CHSY3: variants seen among roughly 807,000 people sequenced by gnomAD.
CHSY3 encodes the protein chondroitin sulfate synthase 3, also known as N-acetylgalactosaminyl-proteoglycan 3-beta-glucuronosyltransferase 3.
CHSY3 carries 35 observed loss-of-function variants against 67.2 expected under a neutral mutation model. The ratio of observed to expected loss-of-function variants is 0.52; its 90% CI spans 0.40 to 0.69. The LOEUF (loss-of-function observed/expected upper bound fraction) is 0.69. Ranked by LOEUF, CHSY3 falls within the 30% of genes least tolerant of loss-of-function variation. CHSY3 has a pLI of 0.00. For synonymous variants in CHSY3, 474 were observed against 434.7 expected (o/e 1.09, Z -1.12); for missense variants, 1,069 against 1,138.5 (o/e 0.94, Z 0.88).
At chr5:129,959,679 A>G (rs889223726) in intron 2 of CHSY3, among the ~76,000 whole-genome samples, 1 of 152,136 alleles carries the variant, frequency 6.6e-6, no homozygotes, top group Non-Finnish European at 1.5e-5. Context: ...CATAGATAGC[A>G]TGTTTAGACT....
In CHSY3 at chr5:130,105,257, T is replaced by G. The variant is rs146120347; in HGVS notation, c.1087-78972T>G. Among the ~76,000 whole-genome samples the G allele has an allele frequency of 1.3e-4, 19 of 151,812 alleles. No homozygotes were observed. The East Asian group carries it at 3.5e-3, about 28-fold the overall frequency. ...AATTTGGACACAAGAATTTAAGAACTTCAAAGTATTGTTTGATTTTCAATA... is the reference window on the plus strand; with the variant it reads ...AATTTGGACACAAGAATTTAAGAACGTCAAAGTATTGTTTGATTTTCAATA... On this transcript the variant is annotated intron_variant, in intron 2 of 2. Transcript: ENST00000305031.
At chr5:129,908,515 T>G (rs1760407856) in intron 2 of CHSY3, among the ~76,000 whole-genome samples, 155 bp downstream of exon 2, 1 of 152,188 alleles carries the variant, frequency 6.6e-6, no homozygotes, top group South Asian at 2.1e-4. Context: ...GGAGATAACT[T>G]TCTCATTAGG....
chr5:130,176,400 G>A (rs530988941), intron 2 of CHSY3, among the ~76,000 whole-genome samples: 1 of 152,168 alleles, frequency 6.6e-6, no homozygotes, highest in Non-Finnish European at 1.5e-5. Context: ...TTACACTATT[G>A]GTGGGAGTGT....
chr5:130,097,093 T>A (rs1056933767), intron 2 of CHSY3, among the ~76,000 whole-genome samples: 5 of 152,238 alleles, frequency 3.3e-5, no homozygotes, highest in African/African-American at 9.6e-5. Context: ...ATGACAGCTA[T>A]AATTTTGCTA....
chr5:129,957,204 T>A (rs1187984504), intron 2 of CHSY3, among the ~76,000 whole-genome samples: 1 of 152,100 alleles, frequency 6.6e-6, no homozygotes, highest in African/African-American at 2.4e-5. Context: ...TATGTTTCTA[T>A]GTATTTTATT....
At chr5:130,153,466 C>T (rs1026012245) in intron 2 of CHSY3, among the ~76,000 whole-genome samples, 10 of 152,110 alleles carry the variant, frequency 6.6e-5, no homozygotes, top group African/African-American at 9.7e-5. Context: ...TTATAAATAC[C>T]TTCTCCTATT....
Position 129,944,089 on chromosome 5 carries a change from A to G in CHSY3, c.1086+35729A>G, listed in dbSNP as rs115422924. Among the ~76,000 whole-genome samples, 994 of 152,354 alleles carry G rather than the reference A, an allele frequency of 6.5e-3. 16 individuals carry two copies. Among genetic ancestry groups the G allele is most frequent in the African/African-American group, 0.023 (952 of 41,584 alleles). ...AACTATCATTTTCTCCTGGGCTTCA[A>G]TGCTAAGTTGACAACATCCCCTCCT... On this transcript the variant is annotated intron_variant, in intron 2 of 2. Coordinates refer to ENST00000305031, the MANE Select transcript of CHSY3 (RefSeq NM_175856.5).
At position 130,169,548 on chromosome 5, in the gene CHSY3, A is replaced by C. The variant is rs74459625; in HGVS notation, c.1087-14681A>C. On this transcript the variant is annotated intron_variant, in intron 2 of 2. Coordinates refer to ENST00000305031, the MANE Select transcript of CHSY3 (RefSeq NM_175856.5). ...TTATCCTTCAAACAAAAAAATCCTA[A>C]GTTTGTCCTAACTTTATCTGACCCA... Among the ~76,000 whole-genome samples the C allele has an allele frequency of 6.6e-5, 10 of 152,230 alleles. No homozygotes were observed. The South Asian group carries it at 1.0e-3, about 16-fold the overall frequency.
At chr5:130,026,349 T>C (rs1764542986) in intron 2 of CHSY3, among the ~76,000 whole-genome samples, 1 of 152,154 alleles carries the variant, frequency 6.6e-6, no homozygotes, top group South Asian at 2.1e-4. Flanking sequence ...GTGATTAAAA[T>C]GTAAACTGCC....
intron 2 of CHSY3, among the ~76,000 whole-genome samples, chr5:130,095,691 A>G (rs544689689): frequency 6.6e-6 from 1 of 152,388 alleles, no homozygotes; most frequent in Admixed American, 6.5e-5. Flanking sequence ...GGCAAGATCC[A>G]CCAATGGAGG....
chr5:130,055,700 C>T (rs575397942), intron 2 of CHSY3, among the ~76,000 whole-genome samples: 1 of 152,120 alleles, frequency 6.6e-6, no homozygotes, highest in Admixed American at 6.6e-5. Flanking sequence ...ACAGCAGCAG[C>T]AGCTGCTGCT....
At chr5:130,118,098 A>C (rs1479550132) in intron 2 of CHSY3, among the ~76,000 whole-genome samples, 1 of 152,052 alleles carries the variant, frequency 6.6e-6, no homozygotes, top group East Asian at 1.9e-4. Context: ...CACTTTCCGC[A>C]AGCACTGGTA....
chr5:129,980,865 G>GA (rs1762959683), intron 2 of CHSY3, among the ~76,000 whole-genome samples: 4 of 152,096 alleles, frequency 2.6e-5, no homozygotes, highest in Admixed American at 2.6e-4. Context: ...ACCATTTGTT[G>GA]AAAAAACCAT....
At chr5:130,043,140 G>A (rs1240381234) in intron 2 of CHSY3, among the ~76,000 whole-genome samples, 3 of 151,942 alleles carry the variant, frequency 2.0e-5, no homozygotes, top group Non-Finnish European at 2.9e-5. Flanking sequence ...TACAAACTAG[G>A]TCAGAACACA....
intron 2 of CHSY3, among the ~76,000 whole-genome samples, chr5:130,144,058 G>C (rs1187082726): frequency 6.6e-6 from 1 of 150,792 alleles, no homozygotes; most frequent in East Asian, 2.0e-4. Context: ...TGATTGTAAT[G>C]ACTTGTGGGT....
At chr5:130,177,442 C>T (rs975572655) in intron 2 of CHSY3, among the ~76,000 whole-genome samples, 5 of 151,940 alleles carry the variant, frequency 3.3e-5, no homozygotes, top group Non-Finnish European at 5.9e-5. Context: ...ATTAATAGTT[C>T]TCTGAGAAAT....
intron 2 of CHSY3, among the ~76,000 whole-genome samples, chr5:130,159,220 G>T (rs1303421541): frequency 7.4e-6 from 1 of 135,992 alleles, no homozygotes; most frequent in Non-Finnish European, 1.5e-5. Context: ...CTAGAGTGCA[G>T]TGGCACAATC....
At chr5:130,079,940 T>G (rs979078207) in intron 2 of CHSY3, among the ~76,000 whole-genome samples, 12 of 151,776 alleles carry the variant, frequency 7.9e-5, no homozygotes, top group African/African-American at 2.9e-4. Flanking sequence ...CCTAAAGAAG[T>G]CATTACATTG....
chr5:129,938,492 A>G (rs770864323), intron 2 of CHSY3, among the ~76,000 whole-genome samples: 3 of 152,186 alleles, frequency 2.0e-5, no homozygotes, highest in Non-Finnish European at 4.4e-5. Context: ...TCCCTTTTAA[A>G]TATAGTTCCA....
Sources: allele counts gnomAD v4.1 joint callset (sites outside exome capture counted in the v4.1 genomes callset), GRCh38; gene constraint gnomAD v4.1.1; transcripts MANE v1.5; gene names NCBI Gene and HGNC (gene_info 2026-07-23, HGNC 2026-07-21).